The following BANK1 variants were observed in gnomAD, a reference collection of about 807,000 sequenced individuals.
BANK1 encodes the protein B-cell scaffold protein with ankyrin repeats.
Under a neutral mutation model 94.5 loss-of-function variants are expected in BANK1, and 95 were observed. The ratio of observed to expected loss-of-function variants is 1.00; its 90% CI spans 0.85 to 1.19. The LOEUF is 1.19. Ranked by LOEUF, BANK1 falls within the 50% of genes most tolerant of loss-of-function variation. The pLI, the probability that BANK1 is intolerant of heterozygous loss-of-function variation, is 0.00. For synonymous variants in BANK1, 334 were observed against 308.4 expected (o/e 1.08, Z -0.87); for missense variants, 987 against 932.2 (o/e 1.06, Z -0.77).
chr4:101,992,866 G>A (rs1371605900), intron 7 of BANK1, among the ~76,000 whole-genome samples: 6 of 152,124 alleles, frequency 3.9e-5, no homozygotes, highest in African/African-American at 1.2e-4. Flanking sequence ...TACTTAAGAA[G>A]CACCACCACC....
In BANK1 at chr4:101,870,651, T is replaced by G; in HGVS notation, c.903+7T>G. ...AGGAGAGAGTTTGTGCCAGGTAAGT[T>G]AATCTTTCCACGAAGTTAATCATAA... On this transcript the variant is annotated splice_region_variant and intron_variant, in intron 5 of 16. Transcript: ENST00000322953. 6.2e-7 allele frequency: 1 copy of G among 1,607,168 alleles called. No homozygotes were observed. The highest frequency in any genetic ancestry group is 8.5e-7 in the Non-Finnish European group (1 of 1,177,306).
At position 101,900,324 on chromosome 4, in the gene BANK1, AAAAT is replaced by A. The variant is rs2148892916; in HGVS notation, c.1009+4918_1009+4921del. On this transcript the variant is annotated intron_variant, in intron 6 of 16. Transcript: ENST00000322953. Reference sequence around the variant, plus strand: ...GCAAATAGTGATAAGGGTTATGAGAAAAATAAAGTGAGAAGATAGTTAGGAAGTG... The same window carrying A: ...GCAAATAGTGATAAGGGTTATGAGAAAAAGTGAGAAGATAGTTAGGAAGTG... 2.6e-5 allele frequency among the ~76,000 whole-genome samples: 4 copies of A among 152,360 alleles called. No individual in the cohort carries two copies. In the East Asian group the frequency reaches 7.7e-4, roughly 29 times the overall value.
intron 10 of BANK1, among the ~76,000 whole-genome samples, chr4:102,031,568 G>C (rs1727313192): frequency 6.6e-6 from 1 of 152,136 alleles, no homozygotes; most frequent in African/African-American, 2.4e-5. Context: ...AAATAAGAAT[G>C]ATGGATTGAG....
chr4:101,923,554 C>T (rs1214761230), intron 7 of BANK1, among the ~76,000 whole-genome samples: 1 of 151,818 alleles, frequency 6.6e-6, no homozygotes, highest in Non-Finnish European at 1.5e-5. Context: ...TCTTGTCTTC[C>T]CCATCAGGAA....
At chr4:101,927,165 A>G (rs1723184641) in intron 7 of BANK1, among the ~76,000 whole-genome samples, 1 of 151,736 alleles carries the variant, frequency 6.6e-6, no homozygotes, top group South Asian at 2.1e-4. Flanking sequence ...CAGGAAACTT[A>G]CAATCATGGC....
chr4:101,864,155 C>T (rs1473625277), intron 4 of BANK1, among the ~76,000 whole-genome samples: 2 of 152,098 alleles, frequency 1.3e-5, no homozygotes, highest in South Asian at 2.1e-4. Context: ...CATAATTAAA[C>T]TTATTTAAGT....
chr4:101,798,468 T>C (rs1003135268), intron 1 of BANK1, among the ~76,000 whole-genome samples: 1 of 151,918 alleles, frequency 6.6e-6, no homozygotes, highest in Non-Finnish European at 1.5e-5. Context: ...GTAGATTTTC[T>C]TATGTGTTTA....
intron 7 of BANK1, among the ~76,000 whole-genome samples, chr4:101,972,023 T>C (rs542201831): frequency 6.6e-6 from 1 of 152,192 alleles, no homozygotes; most frequent in South Asian, 2.1e-4. Context: ...CTATGAAAAA[T>C]GACAATAATT....
intron 7 of BANK1, among the ~76,000 whole-genome samples, chr4:101,958,177 T>A (rs534714573): frequency 6.6e-6 from 1 of 152,152 alleles, no homozygotes; most frequent in Non-Finnish European, 1.5e-5. Context: ...AATGTTTGTT[T>A]ATACTTAACC....
rs72919082 is a variant in BANK1 at position 101,794,464 on chromosome 4, A to G, written c.70+3514A>G. ...CACTTATTAATTTACTGCTTTCTTC[A>G]TAGAATATAGAGTATCTTGCAGTAA... On this transcript the variant is annotated intron_variant, in intron 1 of 16. Transcript: ENST00000322953. 8.2e-3 allele frequency among the ~76,000 whole-genome samples: 1,252 copies of G among 152,270 alleles called. 18 individuals are homozygous for G. Among genetic ancestry groups the G allele is most frequent in the African/African-American group, 0.029 (1,191 of 41,576 alleles).
chr4:101,918,703 A>T (rs1429053383), intron 7 of BANK1, among the ~76,000 whole-genome samples: 3 of 151,982 alleles, frequency 2.0e-5, no homozygotes, highest in Non-Finnish European at 4.4e-5. Context: ...ATATAATGGG[A>T]CAATGATTAT....
intron 5 of BANK1, among the ~76,000 whole-genome samples, chr4:101,885,140 C>T (rs577639928): frequency 1.3e-5 from 2 of 152,324 alleles, no homozygotes; most frequent in East Asian, 1.9e-4. Flanking sequence ...TAGTCTGGAA[C>T]GCCTGACCTC....
At position 102,007,063 on chromosome 4, in the gene BANK1, TAA is replaced by T. The variant is rs1171611629; in HGVS notation, c.1207-14450_1207-14449del. On this transcript the variant is annotated intron_variant, in intron 7 of 16. Coordinates refer to ENST00000322953, the MANE Select transcript of BANK1 (RefSeq NM_017935.5). Reference sequence around the variant, plus strand: ...TAAATATATATATATATAAAATATATAATTTTATATATATATAAATATATATA... The same window carrying T: ...TAAATATATATATATATAAAATATATTTTTATATATATATAAATATATATA... 6.2e-4 allele frequency among the ~76,000 whole-genome samples: 69 copies of T among 110,956 alleles called. 1 individual carries two copies. The highest frequency in any genetic ancestry group is 1.0e-3 in the African/African-American group (32 of 30,880). The allele number at this position is 110,956 out of a possible 152,430, so 72.8% of individuals were successfully genotyped here. A position where few individuals can be genotyped will look rare whatever the true frequency, so the allele number is the denominator to read the frequency against.
At chr4:101,862,400 A>G (rs1453818899) in intron 3 of BANK1, 126 bp from the exon 4 acceptor site, 2 of 655,634 alleles carry the variant, frequency 3.1e-6, no homozygotes, top group African/African-American at 1.9e-5. Flanking sequence ...ACAGTTGAAA[A>G]TACAAACACC....
At chr4:101,964,295 T>C (rs758587253) in intron 7 of BANK1, among the ~76,000 whole-genome samples, 1 of 152,070 alleles carries the variant, frequency 6.6e-6, no homozygotes, top group Non-Finnish European at 1.5e-5. Context: ...TGGCTTCTTA[T>C]GTGCTTATAA....
chr4:101,879,187 C>CA (rs1226708733), intron 5 of BANK1, among the ~76,000 whole-genome samples: 1 of 151,630 alleles, frequency 6.6e-6, no homozygotes, highest in East Asian at 1.9e-4. Context: ...AGAAGTTAAG[C>CA]AAAATTGACA....
intron 7 of BANK1, among the ~76,000 whole-genome samples, chr4:102,020,444 T>TA (rs1317628546): frequency 2.6e-5 from 4 of 152,068 alleles, no homozygotes; most frequent in Admixed American, 2.0e-4. Context: ...TCAGGCTCAG[T>TA]AAAAAATACT....
intron 7 of BANK1, among the ~76,000 whole-genome samples, chr4:102,015,582 T>G (rs1726668194): frequency 6.6e-6 from 1 of 152,190 alleles, no homozygotes; most frequent in Non-Finnish European, 1.5e-5. Flanking sequence ...TGTCTTTATC[T>G]CTAAATAACA....
intron 7 of BANK1, among the ~76,000 whole-genome samples, chr4:101,978,238 A>G (rs1261095484): frequency 6.6e-6 from 1 of 152,104 alleles, no homozygotes; most frequent in African/African-American, 2.4e-5. Context: ...GATGAACTTT[A>G]TTTTTAGAAT....
Sources: allele counts gnomAD v4.1 joint callset (sites outside exome capture counted in the v4.1 genomes callset), GRCh38; gene constraint gnomAD v4.1.1; transcripts MANE v1.5; gene names NCBI Gene and HGNC (gene_info 2026-07-23, HGNC 2026-07-21).